Variants in CPNE4 observed in about 807,000 individuals in gnomAD.
The protein encoded by CPNE4 is copine 4.
CPNE4 carries 25 observed loss-of-function variants against 67.9 expected under a neutral mutation model. The observed-to-expected ratio is 0.37, with a 90% CI of 0.27 to 0.51. The LOEUF (loss-of-function observed/expected upper bound fraction) is 0.51. Among genes scored for constraint, CPNE4 ranks in the 20% least tolerant of loss-of-function variants. CPNE4 has a pLI of 0.93. For synonymous variants in CPNE4, 242 were observed against 244.9 expected, an observed-to-expected ratio of 0.99 and a Z score of 0.11; for missense variants, 464 against 690.8, an observed-to-expected ratio of 0.67 and a Z score of 3.68.
intron 1 of CPNE4, chr3:131,985,817 C>T (rs2073027938): frequency 6.5e-6 from 1 of 154,046 alleles, no homozygotes; most frequent in African/African-American, 2.4e-5. Context: ...CTACCTAGTC[C>T]ATGTACTGAG....
At chr3:131,836,269 T>G (rs1438447933) in intron 2 of CPNE4, among the ~76,000 whole-genome samples, 1 of 152,108 alleles carries the variant, frequency 6.6e-6, no homozygotes, top group Non-Finnish European at 1.5e-5. Flanking sequence ...CCTGACCAAG[T>G]GGGGTTCATT....
At chr3:131,601,400 G>A (rs553273325) in intron 7 of CPNE4, among the ~76,000 whole-genome samples, 3 of 152,198 alleles carry the variant, frequency 2.0e-5, no homozygotes, top group African/African-American at 7.2e-5. Flanking sequence ...GGTGATGGAC[G>A]TGCAAATAAA....
intron 2 of CPNE4, among the ~76,000 whole-genome samples, chr3:131,882,067 C>T (rs9838652): frequency 0.28 from 42,472 of 151,856 alleles, 7,246 homozygotes; most frequent in Non-Finnish European, 0.37. Context: ...AGGCACAGCA[C>T]CAAGTACAGC....
chr3:131,749,257 T>C (rs1402442441), intron 2 of CPNE4, among the ~76,000 whole-genome samples: 1 of 152,168 alleles, frequency 6.6e-6, no homozygotes, highest in East Asian at 1.9e-4. Context: ...AAGTGAAGAT[T>C]TTTCCTGTTA....
At chr3:131,625,476 G>T (rs888830253) in intron 7 of CPNE4, among the ~76,000 whole-genome samples, 8 of 152,120 alleles carry the variant, frequency 5.3e-5, no homozygotes, top group Non-Finnish European at 5.9e-5. Context: ...TTTACCCTTT[G>T]AGGGTAAGAG....
intron 2 of CPNE4, among the ~76,000 whole-genome samples, chr3:131,885,803 T>C (rs2087861516): frequency 6.6e-6 from 1 of 152,198 alleles, no homozygotes; most frequent in Non-Finnish European, 1.5e-5. Flanking sequence ...TGGTTTTTTG[T>C]TCTTGCGATA....
intron 4 of CPNE4, among the ~76,000 whole-genome samples, chr3:131,699,357 G>A (rs1405705247): frequency 1.3e-5 from 2 of 152,156 alleles, no homozygotes; most frequent in East Asian, 3.8e-4. Context: ...ATTTTAAATA[G>A]TTTTATTAAA....
chr3:131,872,154 ATGTATGCGTG>A (rs2087239136), intron 2 of CPNE4, among the ~76,000 whole-genome samples: 1 of 151,782 alleles, frequency 6.6e-6, no homozygotes, highest in African/African-American at 2.4e-5. Flanking sequence ...AATCAATAGG[ATGTATGCGTG>A]TGTATGCATG....
At chr3:131,750,184 A>G (rs924147997) in intron 2 of CPNE4, among the ~76,000 whole-genome samples, 1 of 152,158 alleles carries the variant, frequency 6.6e-6, no homozygotes, top group African/African-American at 2.4e-5. Context: ...TGCGGGACAC[A>G]TTCAAACTAT....
At chr3:131,651,996 T>G (rs969012181) in intron 7 of CPNE4, among the ~76,000 whole-genome samples, 5 of 152,212 alleles carry the variant, frequency 3.3e-5, no homozygotes, top group African/African-American at 1.2e-4. Flanking sequence ...GATCCAGAAC[T>G]TACATAGGCT....
At chr3:131,628,734 A>T (rs1462643272) in intron 7 of CPNE4, among the ~76,000 whole-genome samples, 2 of 149,852 alleles carry the variant, frequency 1.3e-5, no homozygotes, top group African/African-American at 5.0e-5. Flanking sequence ...CTGTGGGATC[A>T]GTGGTGATAT....
intron 10 of CPNE4, among the ~76,000 whole-genome samples, chr3:131,568,126 TAATAA>T (rs1468832493): frequency 2.2e-4 from 34 of 152,044 alleles, no homozygotes; most frequent in Admixed American, 2.2e-3. Context: ...TCTCATGGTT[TAATAA>T]AAAAATTTTA....
chr3:131,948,321 C>T (rs1279279689), intron 1 of CPNE4, among the ~76,000 whole-genome samples: 3 of 152,120 alleles, frequency 2.0e-5, no homozygotes, highest in African/African-American at 7.2e-5. Flanking sequence ...AAGGGTCTAA[C>T]ATTTCCCCTT....
intron 2 of CPNE4, among the ~76,000 whole-genome samples, chr3:131,871,326 G>C (rs1283883580): frequency 6.6e-6 from 1 of 152,048 alleles, no homozygotes; most frequent in Non-Finnish European, 1.5e-5. Flanking sequence ...CTGATAAGAA[G>C]AGTTGCTGGA....
intron 2 of CPNE4, among the ~76,000 whole-genome samples, chr3:131,781,051 A>G (rs1207959175): frequency 6.6e-6 from 1 of 152,072 alleles, no homozygotes; most frequent in Non-Finnish European, 1.5e-5. Context: ...TCAAAGTTCC[A>G]TGAATGAACC....
intron 7 of CPNE4, among the ~76,000 whole-genome samples, chr3:131,605,714 A>G (rs1425984979): frequency 6.6e-6 from 1 of 152,160 alleles, no homozygotes; most frequent in African/African-American, 2.4e-5. Flanking sequence ...GAAAGATTAT[A>G]AAGATATTAA....
At chr3:131,828,796 A>G (rs1040011880) in intron 2 of CPNE4, among the ~76,000 whole-genome samples, 3 of 152,154 alleles carry the variant, frequency 2.0e-5, no homozygotes, top group African/African-American at 4.8e-5. Flanking sequence ...TGATTGCATC[A>G]CTGCCCTCCA....
chr3:131,721,370 A>C (rs1336335017), intron 3 of CPNE4, among the ~76,000 whole-genome samples: 1 of 139,720 alleles, frequency 7.2e-6, no homozygotes, highest in Non-Finnish European at 1.6e-5. Flanking sequence ...AAAGATCTTT[A>C]GTCCACATGA....
chr3:131,687,149 C>A (rs917953522), intron 5 of CPNE4, among the ~76,000 whole-genome samples: 23 of 152,262 alleles, frequency 1.5e-4, no homozygotes, highest in African/African-American at 4.3e-4. Flanking sequence ...AAATACATGT[C>A]TCTTGTGTCT....
Sources: gnomAD v4.1 joint callset for allele counts (sites outside exome capture counted in the v4.1 genomes callset) on GRCh38, gnomAD v4.1.1 for gene constraint, MANE v1.5 for transcripts, NCBI Gene and HGNC (gene_info 2026-07-23, HGNC 2026-07-21) for gene names.